Variants in MRPL43 observed in about 807,000 individuals in gnomAD.
The protein encoded by MRPL43 is large ribosomal subunit protein mL43.
A neutral mutation model predicts 12.7 loss-of-function variants in MRPL43; 9 were observed. The ratio of observed to expected loss-of-function variants is 0.71; its 90% confidence interval spans 0.43 to 1.24. The LOEUF (loss-of-function observed/expected upper bound fraction) is 1.24, where lower values mean the gene tolerates loss of function less well. Ranked by LOEUF, MRPL43 falls within the 50% of genes most tolerant of loss-of-function variation. The pLI is 0.00. For synonymous variants in MRPL43, 116 were observed against 96.4 expected (o/e 1.20, Z -1.19); for missense variants, 211 against 229.2 (o/e 0.92, Z 0.51).
In MRPL43 at chr10:100,987,096, C is replaced by T; in HGVS notation, c.232G>A (p.Glu78Lys). Reference sequence around the variant, plus strand: ...CGAGCCCGGCCCCACTCACGGTATTCGGCCACTACTCTGGGCACGCAGCAC... The same window carrying T: ...CGAGCCCGGCCCCACTCACGGTATTTGGCCACTACTCTGGGCACGCAGCAC... Reference protein sequence around the residue: ...RPCCVPRVVAEYLNGAVREES... With the variant: ...RPCCVPRVVAKYLNGAVREES... The change falls in exon 2 of 3, where the codon GAA becomes AAA. Residue 78 changes from glutamate (E) to lysine (K), a missense_variant. Glu to Lys is a moderately conservative substitution (Grantham distance 56). Coordinates refer to ENST00000318364, the MANE Select transcript of MRPL43 (RefSeq NM_032112.3). 6.2e-7 allele frequency: 1 copy of T among 1,613,464 alleles called. No homozygotes were observed. The highest frequency in any genetic ancestry group is 8.5e-7 in the Non-Finnish European group (1 of 1,179,994).
At chr10:100,982,311 G>A (rs1003743134), downstream of MRPL43, among the ~76,000 whole-genome samples, 13 of 152,264 alleles carry the variant, frequency 8.5e-5, no homozygotes, top group African/African-American at 2.4e-4. Flanking sequence ...GTCTTTATCC[G>A]AAAAGCAATA....
downstream of MRPL43, chr10:100,983,898 GC>G (rs1307646381): frequency 9.8e-6 from 15 of 1,523,108 alleles, no homozygotes; most frequent in Admixed American, 2.1e-5. Flanking sequence ...TGGGGAGGGA[GC>G]CCCAGCCCCA....
Position 100,986,400 on chromosome 10 carries a change from T to C in MRPL43, c.*334A>G. The C allele has an allele frequency of 6.8e-7, 1 of 1,476,820 alleles. No homozygotes were observed. The highest frequency in any genetic ancestry group is 1.4e-5 in the South Asian group (1 of 69,906). The allele number at this position is 1,476,820 out of a possible 1,614,324, so 91.5% of individuals were successfully genotyped here. A position where few individuals can be genotyped will look rare whatever the true frequency, so the allele number is the denominator to read the frequency against. On this transcript the variant is annotated 3_prime_UTR_variant, in exon 3 of 3. Coordinates refer to ENST00000318364, the MANE Select transcript of MRPL43 (RefSeq NM_032112.3). ...TGTTCCAATAAGACATCAGGGATTCTTCAGAAGCCAGCCTTCAGACCTCTC... is the reference window on the plus strand; with the variant it reads ...TGTTCCAATAAGACATCAGGGATTCCTCAGAAGCCAGCCTTCAGACCTCTC...
At chr10:100,984,182 G>C, downstream of MRPL43, 1 of 1,551,732 alleles carries the variant, frequency 6.4e-7, no homozygotes, top group Non-Finnish European at 8.7e-7. Context: ...TCTGTCCCAG[G>C]CTGGGCCACT....
chr10:100,983,326 C>T (rs1341977736), downstream of MRPL43: 22 of 1,565,898 alleles, frequency 1.4e-5, no homozygotes, highest in Non-Finnish European at 1.7e-5. Context: ...CCACTGAAGA[C>T]CCGCTCTGTG....
chr10:100,986,520 C>T lies in MRPL43; in HGVS notation c.*214G>A, dbSNP rs1280684908. Reference sequence around the variant, plus strand: ...TTCCTCATCTCAGGTTTTAGGGATGCCACTTGCATAAAAATGAGTGGTTCA... The same window carrying T: ...TTCCTCATCTCAGGTTTTAGGGATGTCACTTGCATAAAAATGAGTGGTTCA... On this transcript the variant is annotated 3_prime_UTR_variant, in exon 3 of 3. Coordinates refer to ENST00000318364, the MANE Select transcript of MRPL43 (RefSeq NM_032112.3). 2.6e-6 allele frequency: 4 copies of T among 1,551,978 alleles called. No individual in the cohort carries two copies. Among genetic ancestry groups the T allele is most frequent in the East Asian group, 2.4e-5 (1 of 40,942 alleles).
At chr10:100,984,028 G>A, downstream of MRPL43, 1 of 1,613,608 alleles carries the variant, frequency 6.2e-7, no homozygotes, top group South Asian at 1.1e-5. Context: ...AGCAACAATG[G>A]AGTACCAGCA....
chr10:100,979,750 G>C (rs911579877), downstream of MRPL43: 29 of 1,398,546 alleles, frequency 2.1e-5, no homozygotes, highest in Admixed American at 3.5e-5. Flanking sequence ...CTATAGCTGG[G>C]GTTGGCCAGG....
chr10:100,987,126 G>T lies in MRPL43; in HGVS notation c.202C>A (p.Arg68Ser). ...NPGVVIYVNS[R>S]PCCVPRVVAE... ...ACTACTCTGGGCACGCAGCACGGAC[G>T]CGAGTTTACATATATTACGACCCCT... Residue 68 changes from arginine (R) to serine (S), a missense_variant, in exon 2 of 3, where the codon CGT (arginine) becomes AGT (serine). Physicochemically the swap from Arg to Ser is moderately radical, Grantham distance 110. Coordinates refer to ENST00000318364, the MANE Select transcript of MRPL43 (RefSeq NM_032112.3). 1 of 1,613,868 alleles carries T rather than the reference G, an allele frequency of 6.2e-7. No homozygotes were observed. The highest frequency in any genetic ancestry group is 8.5e-7 in the Non-Finnish European group (1 of 1,180,034).
At chr10:100,983,566 G>A (rs144879682), downstream of MRPL43, 6 of 1,613,666 alleles carry the variant, frequency 3.7e-6, no homozygotes, top group South Asian at 2.2e-5. Context: ...CTCACAGTCC[G>A]GCCAGCCACT....
At position 100,986,780 on chromosome 10, in the gene MRPL43, G is replaced by C. The variant is rs758314694; in HGVS notation, c.434C>G (p.Pro145Arg). Reference sequence around the variant, plus strand: ...TGGGGCAGGATCCTGAACCTCTCGGGGGCGTAGCCCGCGGAACGTGGTCGG... The same window carrying C: ...TGGGGCAGGATCCTGAACCTCTCGGCGGCGTAGCCCGCGGAACGTGGTCGG... Reference protein sequence around the residue: ...NKPTTFRGLRPREVQDPAPAQ... With the variant: ...NKPTTFRGLRRREVQDPAPAQ... Residue 145 changes from proline (P) to arginine (R), a missense_variant, in exon 3 of 3, where the codon CCC (proline) becomes CGC (arginine). Transcript: ENST00000318364. The C allele has an allele frequency of 6.2e-7, 1 of 1,613,858 alleles. No homozygotes were observed. Among genetic ancestry groups the C allele is most frequent in the East Asian group, 2.2e-5 (1 of 44,888 alleles).
chr10:100,986,595 T>G lies in MRPL43; in HGVS notation c.*139A>C. The G allele has an allele frequency of 6.2e-7, 1 of 1,607,072 alleles. No individual in the cohort carries two copies. Among genetic ancestry groups the G allele is most frequent in the Non-Finnish European group, 8.5e-7 (1 of 1,177,308 alleles). On this transcript the variant is annotated 3_prime_UTR_variant, in exon 3 of 3. Transcript: ENST00000318364. ...GCACTGGAAAGAAACAGGCAGCTCT[T>G]CATTATCCCAAGCAGAACCTCTGTC...
chr10:100,986,186 T>A, downstream of MRPL43: 1 of 664,104 alleles, frequency 1.5e-6, no homozygotes, highest in South Asian at 3.3e-5. Context: ...CACCTGACAG[T>A]TGTTATATGT....
downstream of MRPL43, chr10:100,984,396 G>C (rs1269427005): frequency 1.4e-5 from 21 of 1,456,916 alleles, no homozygotes; most frequent in Non-Finnish European, 1.9e-5. Context: ...TGCAGACCCA[G>C]AGCCAGTTCC....
downstream of MRPL43, chr10:100,979,999 G>C (rs370207123): frequency 6.2e-6 from 10 of 1,613,842 alleles, no homozygotes; most frequent in African/African-American, 8.0e-5. Flanking sequence ...CTCGGTGAGT[G>C]CCCAGGCCTG....
chr10:100,985,000 GC>G, downstream of MRPL43: 1 of 1,267,054 alleles, frequency 7.9e-7, no homozygotes, highest in South Asian at 1.6e-5. Context: ...AGCCTCCCTT[GC>G]TGTCTTGGAC....
At chr10:100,981,188 TAGAG>T (rs767881320), downstream of MRPL43, 1 of 1,614,186 alleles carries the variant, frequency 6.2e-7, no homozygotes, top group South Asian at 1.1e-5. Context: ...ATACAGGACA[TAGAG>T]AGAGGAAATC....
downstream of MRPL43, chr10:100,983,936 G>A (rs368791581): frequency 3.6e-5 from 37 of 1,024,796 alleles, no homozygotes; most frequent in South Asian, 1.1e-4. Context: ...CACCGCCACC[G>A]GCTGAGCTGA....
At chr10:100,983,598 C>T (rs1416703361), downstream of MRPL43, 2 of 1,614,136 alleles carry the variant, frequency 1.2e-6, no homozygotes, top group Non-Finnish European at 1.7e-6. Context: ...TCCAAAAGCC[C>T]CTGCCACACC....
Sources: allele counts gnomAD v4.1 joint callset (sites outside exome capture counted in the v4.1 genomes callset), GRCh38; gene constraint gnomAD v4.1.1; transcripts MANE v1.5; gene names NCBI Gene and HGNC (gene_info 2026-07-23, HGNC 2026-07-21).